The following MPDZ variants were observed in gnomAD, a reference collection of about 807,000 sequenced individuals.
The protein encoded by MPDZ is multiple PDZ domain crumbs cell polarity complex component.
A neutral mutation model predicts 239.1 loss-of-function variants in MPDZ; 234 were observed. The observed-to-expected ratio is 0.98, with a 90% CI of 0.88 to 1.09. The LOEUF is 1.09. MPDZ is among the 50% of genes least tolerant of loss of function. The pLI, the probability that MPDZ is intolerant of heterozygous loss-of-function variation, is 0.00. For missense variants in MPDZ, 3,175 were observed against 2,510.0 expected (o/e 1.26, Z -5.66); for synonymous variants, 1,048 against 881.3 (o/e 1.19, Z -3.35).
At position 13,265,796 on chromosome 9, in the gene MPDZ, G is replaced by T. The variant is rs190541735; in HGVS notation, c.-58+13604C>A. Among the ~76,000 whole-genome samples, 33 of 152,234 alleles carry T rather than the reference G, an allele frequency of 2.2e-4. No individual in the cohort carries two copies. The East Asian group carries it at 4.6e-3, about 21-fold the overall frequency. On this transcript the variant is annotated intron_variant, in intron 1 of 46. Transcript: ENST00000319217. ...GAACAATAGGTGGCTTGTCAGTTGT[G>T]ACTGAGTGGCTCCTCAGGGGAAAGT...
At chr9:13,151,211 A>C (rs989368616) in intron 24 of MPDZ, among the ~76,000 whole-genome samples, 1 of 152,052 alleles carries the variant, frequency 6.6e-6, no homozygotes, top group Admixed American at 6.6e-5. Flanking sequence ...CTGTTGGTAG[A>C]AATGTAAAAT....
chr9:13,179,068 T>C (rs965519223), intron 19 of MPDZ, among the ~76,000 whole-genome samples: 3 of 152,176 alleles, frequency 2.0e-5, no homozygotes, highest in Admixed American at 6.5e-5. Context: ...TTTCCTTGAA[T>C]GTGACTTATT....
At chr9:13,223,804 G>T (rs1035604073) in intron 4 of MPDZ, 94 bp from the exon 5 acceptor site, 1 of 1,347,458 alleles carries the variant, frequency 7.4e-7, no homozygotes, top group East Asian at 2.6e-5. Flanking sequence ...GGCCAAGGTG[G>T]GAGGATCACT....
intron 12 of MPDZ, among the ~76,000 whole-genome samples, chr9:13,198,150 T>C (rs533485499): frequency 6.6e-6 from 1 of 152,256 alleles, no homozygotes; most frequent in East Asian, 1.9e-4. Context: ...GTTTAACTGT[T>C]CGTTTTTTGA....
intron 23 of MPDZ, among the ~76,000 whole-genome samples, chr9:13,159,002 C>A (rs989894290): frequency 6.6e-6 from 1 of 152,132 alleles, no homozygotes; most frequent in Non-Finnish European, 1.5e-5. Context: ...TATAAAAACT[C>A]TGATTCAATA....
intron 2 of MPDZ, among the ~76,000 whole-genome samples, chr9:13,248,533 C>G (rs536923663): frequency 5.5e-4 from 83 of 152,124 alleles, no homozygotes; most frequent in Non-Finnish European, 8.5e-4. Flanking sequence ...TTCCCTGAAA[C>G]ACAAACATAT....
chr9:13,120,269 C>G (rs1390400956), intron 38 of MPDZ: 1 of 151,472 alleles, frequency 6.6e-6, no homozygotes, highest in Non-Finnish European at 1.5e-5. Context: ...AAACCCAAAA[C>G]TTCTAAAGAT....
chr9:13,108,946 A>G lies in MPDZ; in HGVS notation c.6056T>C (p.Val2019Ala). ...HGDLPIYVKT[V>A]FAKGAASEDG... The stretch of plus-strand genomic sequence containing the variant: ...AATTTGCAAGCTTACCTTTGCAAAC[A>G]CTGTTTTAACATAAATGGGTAAGTC... The change falls in exon 46 of 47, where the codon GTG becomes GCG. Residue 2019 changes from valine to alanine, a missense_variant. Val to Ala is a moderately conservative substitution (Grantham distance 64, BLOSUM62 0). Transcript: ENST00000319217. 6.2e-7 allele frequency: 1 copy of G among 1,610,652 alleles called. No individual in the cohort carries two copies. Among genetic ancestry groups the G allele is most frequent in the Non-Finnish European group, 8.5e-7 (1 of 1,178,052 alleles).
intron 1 of MPDZ, among the ~76,000 whole-genome samples, chr9:13,273,873 T>C (rs1332240791): frequency 1.3e-5 from 2 of 152,216 alleles, no homozygotes; most frequent in Non-Finnish European, 2.9e-5. Context: ...AACTGTATCA[T>C]ATCTCTTCAA....
chr9:13,221,611 G>T, intron 6 of MPDZ, 111 bp from the exon 7 acceptor site: 2 of 1,178,592 alleles, frequency 1.7e-6, no homozygotes. Context: ...ATTAAATTCA[G>T]ACATAATAAT....
At chr9:13,137,230 G>A (rs10960955) in intron 29 of MPDZ, among the ~76,000 whole-genome samples, 78,299 of 151,960 alleles carry the variant, frequency 0.52, 23,926 homozygotes, top group Non-Finnish European at 0.67. Context: ...CTGGAAATAG[G>A]TCACTGGGAG....
chr9:13,255,786 C>T (rs971083316), intron 1 of MPDZ, among the ~76,000 whole-genome samples: 4 of 152,166 alleles, frequency 2.6e-5, no homozygotes, highest in Non-Finnish European at 5.9e-5. Flanking sequence ...ACAGAGAACG[C>T]AGGCATAGCA....
intron 39 of MPDZ, among the ~76,000 whole-genome samples, chr9:13,118,826 G>A (rs1053915510): frequency 2.6e-5 from 4 of 152,140 alleles, no homozygotes; most frequent in African/African-American, 9.7e-5. Context: ...CCTTCATGGT[G>A]AGTTTGCTTT....
chr9:13,122,970 C>G (rs1944581360), intron 36 of MPDZ, among the ~76,000 whole-genome samples, 183 bp downstream of exon 36: 1 of 152,200 alleles, frequency 6.6e-6, no homozygotes, highest in African/African-American at 2.4e-5. Flanking sequence ...TATTTATTGG[C>G]TTACTCAAAG....
rs370288050 is a variant in MPDZ at position 13,123,113 on chromosome 9, A to T, written c.4953+40T>A. 9 of 1,541,452 alleles carry T rather than the reference A, an allele frequency of 5.8e-6. No homozygotes were observed. The African/African-American group carries it at 1.1e-4, about 19-fold the overall frequency. The stretch of plus-strand genomic sequence containing the variant: ...CATAATCGTCTCTGAGGCCTGGCTG[A>T]AGGACGGCCTGTACAGAAGCACCTC... On this transcript the variant is annotated intron_variant, in intron 36 of 46. Transcript: ENST00000319217.
intron 12 of MPDZ, among the ~76,000 whole-genome samples, chr9:13,199,004 T>C (rs1322248293): frequency 6.6e-6 from 1 of 151,932 alleles, no homozygotes; most frequent in Non-Finnish European, 1.5e-5. Context: ...ATTGTAACAA[T>C]ATTAATTCTT....
chr9:13,150,469 AAAAC>A (rs778113800), intron 25 of MPDZ, 38 bp downstream of exon 25: 24 of 1,404,736 alleles, frequency 1.7e-5, no homozygotes, highest in African/African-American at 1.2e-4. Flanking sequence ...TAAATAAAAC[AAAAC>A]AAACAAATTT....
At chr9:13,200,590 G>C (rs1956267631) in intron 12 of MPDZ, among the ~76,000 whole-genome samples, 1 of 151,876 alleles carries the variant, frequency 6.6e-6, no homozygotes, top group African/African-American at 2.4e-5. Context: ...TTTTGCTGTA[G>C]GCCATAGGTT....
intron 2 of MPDZ, among the ~76,000 whole-genome samples, chr9:13,248,433 T>C (rs1052731285): frequency 6.6e-6 from 1 of 151,994 alleles, no homozygotes; most frequent in African/African-American, 2.4e-5. Flanking sequence ...TAAAAGTAAA[T>C]ATATTGAGTA....
Sources: allele counts gnomAD v4.1 joint callset (sites outside exome capture counted in the v4.1 genomes callset), GRCh38; gene constraint gnomAD v4.1.1; transcripts MANE v1.5; gene names NCBI Gene and HGNC (gene_info 2026-07-23, HGNC 2026-07-21).